PDZD9: variants seen among roughly 807,000 people sequenced by gnomAD.
PDZD9 encodes PDZ domain-containing protein 9.
Under a neutral mutation model 16.3 loss-of-function variants are expected in PDZD9, and 13 were observed. That is an observed-to-expected ratio of 0.80 (90% confidence interval 0.52 to 1.27). The LOEUF (loss-of-function observed/expected upper bound fraction) is 1.27, where lower values mean the gene tolerates loss of function less well. PDZD9 is among the 50% of genes most tolerant of loss of function. The pLI is 0.00. For missense variants in PDZD9, 288 were observed against 310.9 expected, an observed-to-expected ratio of 0.93 and a Z score of 0.55; for synonymous variants, 120 against 111.0, an observed-to-expected ratio of 1.08 and a Z score of -0.51.
At chr16:21,965,293 CAT>C in the PDZD9 span, 1 of 844,138 alleles carries the variant, frequency 1.2e-6, no homozygotes, top group Admixed American at 2.1e-5. Flanking sequence ...GTCCTCTTAA[CAT>C]ATGAATGCCA....
the PDZD9 span, among the ~76,000 whole-genome samples, chr16:21,969,775 T>C: frequency 9.9e-5 from 15 of 152,218 alleles, no homozygotes; most frequent in East Asian, 2.9e-3. Context: ...AATTTCAGGG[T>C]GTGTTCATCA....
At position 21,984,271 on chromosome 16, in the gene PDZD9, C is replaced by A; in HGVS notation, c.791G>T (p.Gly264Val). 6.2e-7 allele frequency: 1 copy of A among 1,604,120 alleles called. No homozygotes were observed. Among genetic ancestry groups the A allele is most frequent in the Non-Finnish European group, 8.5e-7 (1 of 1,173,466 alleles). ...EGKAQLVSKV[G>V] The stretch of plus-strand genomic sequence containing the variant: ...GCTCATATGACCACAGATTTGCTAA[C>A]CAACCTTTGATACCAGTTGGGCTTT... Residue 264 changes from glycine (G) to valine (V), a missense_variant, in exon 4 of 4, where the codon GGT becomes GTT. Coordinates refer to ENST00000424898, the MANE Select transcript of PDZD9 (RefSeq NM_001363519.1).
the PDZD9 span, among the ~76,000 whole-genome samples, chr16:21,968,018 T>C: frequency 2.7e-5 from 4 of 150,872 alleles, no homozygotes; most frequent in African/African-American, 9.7e-5. Flanking sequence ...TTTTTTTTTT[T>C]TGAGACAGAG....
chr16:21,988,794 G>C lies in PDZD9; in HGVS notation c.212-3C>G. ...GCCAACACTAATCAGAACATCACCT[G>C]AAGAGGGAAAAAATTATGTATCAGT... is the stretch of plus-strand genomic sequence containing the variant. On this transcript the variant is annotated splice_region_variant and splice_polypyrimidine_tract_variant and intron_variant, in intron 2 of 3. Transcript: ENST00000424898. 6.3e-7 allele frequency: 1 copy of C among 1,592,156 alleles called. No homozygotes were observed. The highest frequency in any genetic ancestry group is 2.2e-5 in the East Asian group (1 of 44,636).
At chr16:21,965,430 A>G in the PDZD9 span, 1 of 1,613,952 alleles carries the variant, frequency 6.2e-7, no homozygotes, top group African/African-American at 1.3e-5. Context: ...ATTTGCATGC[A>G]GCAGCTTACC....
the PDZD9 span, chr16:21,973,746 A>G: frequency 1.5e-6 from 1 of 664,382 alleles, no homozygotes; most frequent in Admixed American, 3.1e-5. Context: ...TTTACAGAAT[A>G]CTTCAGTTCG....
chr16:21,964,642 T>C, the PDZD9 span, among the ~76,000 whole-genome samples: 1 of 152,208 alleles, frequency 6.6e-6, no homozygotes, highest in African/African-American at 2.4e-5. Flanking sequence ...ACCAGCTCAT[T>C]CTGTAAGATG....
intron 2 of PDZD9, 83 bp downstream of exon 2, chr16:21,996,239 A>G (rs1379187803): frequency 4.3e-6 from 6 of 1,395,592 alleles, no homozygotes; most frequent in Non-Finnish European, 5.8e-6. Flanking sequence ...CCTTATAGTT[A>G]CACTGAAACC....
chr16:21,981,754 C>A (rs1898734287), downstream of PDZD9, among the ~76,000 whole-genome samples: 1 of 151,892 alleles, frequency 6.6e-6, no homozygotes, highest in African/African-American at 2.4e-5. Flanking sequence ...CAGAGTGAGA[C>A]CCTGTCTCAA....
Position 21,984,076 on chromosome 16 carries a change from G to C in PDZD9, c.*191C>G. 1 of 531,258 alleles carries C rather than the reference G, an allele frequency of 1.9e-6. No individual in the cohort carries two copies. The highest frequency in any genetic ancestry group is 3.0e-5 in the East Asian group (1 of 33,386). 32.9% of individuals were successfully genotyped at this position (531,258 alleles called of 1,614,324 possible). A position where few individuals can be genotyped will look rare whatever the true frequency, so the allele number is the denominator to read the frequency against. On this transcript the variant is annotated 3_prime_UTR_variant, in exon 4 of 4. Transcript: ENST00000424898. ...TTATTCTGAAAATAAGATTTGTGAG[G>C]CCTGCAAGAACCCAAGGAAGTCTTT...
chr16:21,968,128 T>C, the PDZD9 span, among the ~76,000 whole-genome samples: 1 of 150,846 alleles, frequency 6.6e-6, no homozygotes, highest in African/African-American at 2.4e-5. Flanking sequence ...CAGCCACCCA[T>C]GTAGCTGGGA....
chr16:21,976,103 G>A, the PDZD9 span: 15 of 1,115,652 alleles, frequency 1.3e-5, no homozygotes, highest in African/African-American at 2.0e-4. Context: ...GTAAAGAAGT[G>A]TGTCAGTGCT....
chr16:21,974,140 T>A, the PDZD9 span, among the ~76,000 whole-genome samples: 2 of 152,196 alleles, frequency 1.3e-5, no homozygotes, highest in South Asian at 4.1e-4. Flanking sequence ...ATAGGGAAAT[T>A]TACACATGTA....
the PDZD9 span, among the ~76,000 whole-genome samples, chr16:21,969,854 C>T: frequency 6.6e-6 from 1 of 151,842 alleles, no homozygotes; most frequent in Non-Finnish European, 1.5e-5. Context: ...CTGTGGCATC[C>T]ACTAATCTAC....
At chr16:21,963,788 TG>T in the PDZD9 span, among the ~76,000 whole-genome samples, 1 of 152,108 alleles carries the variant, frequency 6.6e-6, no homozygotes. Context: ...TTTTAAGAGT[TG>T]TTTTGCTTAC....
the PDZD9 span, chr16:21,971,522 C>G: frequency 6.2e-7 from 1 of 1,603,934 alleles, no homozygotes; most frequent in Admixed American, 1.7e-5. Flanking sequence ...TCTGTTGAAA[C>G]AGGTGTGAGT....
downstream of PDZD9, among the ~76,000 whole-genome samples, chr16:21,982,551 C>T (rs1157944157): frequency 6.6e-6 from 1 of 152,188 alleles, no homozygotes; most frequent in African/African-American, 2.4e-5. Context: ...GTTCATTACA[C>T]ATACAATGGG....
chr16:21,962,810 C>T, the PDZD9 span: 10 of 1,613,976 alleles, frequency 6.2e-6, no homozygotes, highest in African/African-American at 1.3e-5. Context: ...ACCAGAATTT[C>T]GTCGTTGGGA....
chr16:21,962,279 G>A, the PDZD9 span: 3 of 631,230 alleles, frequency 4.8e-6, no homozygotes, highest in Admixed American at 8.8e-5. Context: ...TGAATTATTT[G>A]CTGGTTTTTA....
Sources: gnomAD v4.1 joint callset for allele counts (sites outside exome capture counted in the v4.1 genomes callset) on GRCh38, gnomAD v4.1.1 for gene constraint, MANE v1.5 for transcripts, NCBI Gene and HGNC (gene_info 2026-07-23, HGNC 2026-07-21) for gene names.